Variants in TMEFF1 observed in about 807,000 individuals in gnomAD.
The protein encoded by TMEFF1 is transmembrane protein with EGF like and two follistatin like domains 1, also known as tomoregulin-1.
TMEFF1 carries 20 observed loss-of-function variants against 47.5 expected under a neutral mutation model. The ratio of observed to expected loss-of-function variants is 0.42; its 90% confidence interval spans 0.30 to 0.61. The LOEUF is 0.61. TMEFF1 is among the 20% of genes least tolerant of loss of function. The probability of loss-of-function intolerance (pLI) is 0.19; values close to 1 mark genes in which losing one functional copy is unlikely to be tolerated. For missense variants in TMEFF1, 411 were observed against 471.1 expected, an observed-to-expected ratio of 0.87 and a Z score of 1.18; for synonymous variants, 162 against 166.3, an observed-to-expected ratio of 0.97 and a Z score of 0.20.
chr9:100,559,876 G>A (rs1484861735), intron 7 of TMEFF1, among the ~76,000 whole-genome samples: 1 of 151,942 alleles, frequency 6.6e-6, no homozygotes, highest in Admixed American at 6.6e-5. Flanking sequence ...TACACTTTGA[G>A]GAAAAATAAT....
In TMEFF1 at chr9:100,473,943, G is replaced by C. The variant is rs1564259195; in HGVS notation, c.196+203G>C. Among the ~76,000 whole-genome samples, 1 of 151,964 alleles carries C rather than the reference G, an allele frequency of 6.6e-6. No homozygotes were observed. Among genetic ancestry groups the C allele is most frequent in the African/African-American group, 2.4e-5 (1 of 41,396 alleles). ...GCTGGGGATGGGAGTGGCCGTGGGT[G>C]CGTCCGAGTGTGTCGAGTGGCTGGG... On this transcript the variant is annotated intron_variant, in intron 1 of 9. Coordinates refer to ENST00000374879, the MANE Select transcript of TMEFF1 (RefSeq NM_003692.5). The surrounding 1 kb of genome is among the most constrained non-coding windows in gnomAD (Gnocchi z 5.4).
intron 1 of TMEFF1, among the ~76,000 whole-genome samples, chr9:100,483,357 C>T (rs1428029656): frequency 2.6e-5 from 4 of 152,000 alleles, no homozygotes; most frequent in African/African-American, 7.2e-5. Context: ...ATTAGCCGGG[C>T]ATGGTGGCGC....
intron 5 of TMEFF1, among the ~76,000 whole-genome samples, chr9:100,528,141 A>G (rs1409231453): frequency 2.6e-5 from 4 of 151,218 alleles, no homozygotes; most frequent in Non-Finnish European, 5.9e-5. Context: ...AAGATGGGGA[A>G]AAAACAGAAC....
At chr9:100,569,010 G>A (rs955057520) in intron 8 of TMEFF1, among the ~76,000 whole-genome samples, 3 of 151,994 alleles carry the variant, frequency 2.0e-5, no homozygotes, top group Non-Finnish European at 4.4e-5. Context: ...CCACTTTATG[G>A]TTATTATGAA....
intron 5 of TMEFF1, among the ~76,000 whole-genome samples, chr9:100,529,345 C>G (rs1159048170): frequency 9.5e-3 from 1,191 of 125,560 alleles, no homozygotes; most frequent in African/African-American, 0.017. Context: ...TTCAGGAAAC[C>G]CATCTCATGT....
intron 1 of TMEFF1, among the ~76,000 whole-genome samples, chr9:100,476,172 C>T (rs554438368): frequency 6.6e-6 from 1 of 152,200 alleles, no homozygotes; most frequent in African/African-American, 2.4e-5. Context: ...GGGTCTAAAG[C>T]TAGAGTTTTA....
At chr9:100,512,414 T>A (rs1446771149) in intron 3 of TMEFF1, among the ~76,000 whole-genome samples, 1 of 152,206 alleles carries the variant, frequency 6.6e-6, no homozygotes, top group Non-Finnish European at 1.5e-5. Flanking sequence ...GGAACAATAT[T>A]GTTCTGAGTG....
chr9:100,511,088 A>G (rs1184027695), intron 3 of TMEFF1, among the ~76,000 whole-genome samples: 1 of 152,156 alleles, frequency 6.6e-6, no homozygotes, highest in Non-Finnish European at 1.5e-5. Flanking sequence ...TTCTATACAC[A>G]CTAAAATAAT....
At chr9:100,501,421 A>T (rs1837756803) in intron 2 of TMEFF1, among the ~76,000 whole-genome samples, 1 of 149,632 alleles carries the variant, frequency 6.7e-6, no homozygotes, top group Non-Finnish European at 1.5e-5. Context: ...ATTTGTTACC[A>T]TTTTTTTTTG....
At chr9:100,511,293 A>G (rs1248867459) in intron 3 of TMEFF1, among the ~76,000 whole-genome samples, 2 of 152,182 alleles carry the variant, frequency 1.3e-5, no homozygotes, top group East Asian at 3.9e-4. Context: ...GTTAACACCT[A>G]ATGTTAAACA....
intron 7 of TMEFF1, among the ~76,000 whole-genome samples, chr9:100,554,492 A>C (rs1384494717): frequency 1.3e-5 from 2 of 152,060 alleles, no homozygotes; most frequent in African/African-American, 4.8e-5. Context: ...GCCTTGGTAC[A>C]TCAGGAAGAT....
intron 5 of TMEFF1, among the ~76,000 whole-genome samples, chr9:100,523,803 A>C (rs1838209072): frequency 6.6e-6 from 1 of 152,198 alleles, no homozygotes; most frequent in Non-Finnish European, 1.5e-5. Flanking sequence ...ATAGATTTCA[A>C]AGGACTTTTT....
At chr9:100,476,917 C>G (rs190460151) in intron 1 of TMEFF1, among the ~76,000 whole-genome samples, 1 of 150,880 alleles carries the variant, frequency 6.6e-6, no homozygotes, top group African/African-American at 2.4e-5. Context: ...AGGATGGTCT[C>G]GATCTCCTGA....
rs1360540109 is a variant in TMEFF1 at position 100,576,875 on chromosome 9, T to C, written c.*275T>C. The C allele has an allele frequency of 3.6e-6, 1 of 275,976 alleles. No individual in the cohort carries two copies. The highest frequency in any genetic ancestry group is 6.8e-6 in the Non-Finnish European group (1 of 147,050). The allele number at this position is 275,976 out of a possible 1,614,324, so 17.1% of individuals were successfully genotyped here. A position where few individuals can be genotyped will look rare whatever the true frequency, so the allele number is the denominator to read the frequency against. Reference sequence around the variant, plus strand: ...ATGGAATGTAATATTTTTGCAAAGATGGACTACTTCACAAATGGTTATAAA... The same window carrying C: ...ATGGAATGTAATATTTTTGCAAAGACGGACTACTTCACAAATGGTTATAAA... On this transcript the variant is annotated 3_prime_UTR_variant, in exon 10 of 10. Transcript: ENST00000374879.
At chr9:100,497,318 G>GTTTTTTTTTTTT (rs1328828062) in intron 1 of TMEFF1, among the ~76,000 whole-genome samples, 5 of 84,870 alleles carry the variant, frequency 5.9e-5, no homozygotes, top group Admixed American at 1.1e-4. Flanking sequence ...TTCCACTCAT[G>GTTTTTTTTTTTT]TCTTTTTTTT....
intron 2 of TMEFF1, among the ~76,000 whole-genome samples, chr9:100,501,165 A>G (rs1322350293): frequency 9.9e-5 from 15 of 152,070 alleles, no homozygotes; most frequent in Admixed American, 9.8e-4. Context: ...TGTGGGGAAG[A>G]CCGGGGCTGT....
chr9:100,555,963 C>A (rs1376468134), intron 7 of TMEFF1, among the ~76,000 whole-genome samples: 2 of 152,236 alleles, frequency 1.3e-5, no homozygotes, highest in African/African-American at 4.8e-5. Flanking sequence ...AGAACAGCGA[C>A]TGGAATTCAG....
chr9:100,561,023 A>G (rs1839003732), intron 7 of TMEFF1, among the ~76,000 whole-genome samples: 1 of 152,198 alleles, frequency 6.6e-6, no homozygotes, highest in Non-Finnish European at 1.5e-5. Flanking sequence ...TTCATTCCCC[A>G]AAAGCCAATT....
intron 5 of TMEFF1, among the ~76,000 whole-genome samples, chr9:100,541,056 C>G (rs1038089786): frequency 6.6e-6 from 1 of 152,238 alleles, no homozygotes; most frequent in East Asian, 1.9e-4. Context: ...CTCAGTCTTA[C>G]GTTTGATCTC....
Sources: allele counts gnomAD v4.1 joint callset (sites outside exome capture counted in the v4.1 genomes callset), GRCh38; gene constraint gnomAD v4.1.1; non-coding constraint Gnocchi (gnomAD v3.1); transcripts MANE v1.5; gene names NCBI Gene and HGNC (gene_info 2026-07-23, HGNC 2026-07-21).